The following ATP9A variants were observed in gnomAD, a reference collection of about 807,000 sequenced individuals.
ATP9A encodes ATPase phospholipid transporting 9A.
A neutral mutation model predicts 144.1 loss-of-function variants in ATP9A; 52 were observed. The ratio of observed to expected loss-of-function variants is 0.36; its 90% CI spans 0.29 to 0.45. ATP9A has a LOEUF of 0.45. Ranked by LOEUF, ATP9A falls within the 20% of genes least tolerant of loss-of-function variation. ATP9A has a pLI of 1.00. For synonymous variants in ATP9A, 582 were observed against 557.4 expected, an observed-to-expected ratio of 1.04 and a Z score of -0.62; for missense variants, 947 against 1,392.7, an observed-to-expected ratio of 0.68 and a Z score of 5.09.
chr20:51,608,663 A>C (rs768019286), intron 24 of ATP9A, 37 bp from the exon 25 acceptor site: 1 of 1,348,748 alleles, frequency 7.4e-7, no homozygotes, highest in Non-Finnish European at 1.1e-6. Context: ...GACCTGGCTG[A>C]CGCGATAGGA....
intron 1 of ATP9A, among the ~76,000 whole-genome samples, chr20:51,750,784 C>T (rs914689): frequency 0.037 from 5,646 of 152,192 alleles, 145 homozygotes; most frequent in Non-Finnish European, 0.058. Flanking sequence ...AATCTCATCT[C>T]GTTGTAGAAT....
chr20:51,618,143 C>T lies in ATP9A; in HGVS notation c.2350+519G>A, dbSNP rs1214745624. Among the ~76,000 whole-genome samples, 3 of 152,016 alleles carry T rather than the reference C, an allele frequency of 2.0e-5. No homozygotes were observed. The East Asian group carries it at 5.8e-4, about 29-fold the overall frequency. On this transcript the variant is annotated intron_variant, in intron 21 of 27. Transcript: ENST00000338821. Reference sequence around the variant, plus strand: ...GCTGAGGCAGGAGAATCACTTGAACCCGGGAGACGGAGGTTGCAATGAGCT... The same window carrying T: ...GCTGAGGCAGGAGAATCACTTGAACTCGGGAGACGGAGGTTGCAATGAGCT...
intron 1 of ATP9A, among the ~76,000 whole-genome samples, chr20:51,764,192 A>G (rs977354325): frequency 6.6e-6 from 1 of 152,226 alleles, no homozygotes; most frequent in African/African-American, 2.4e-5. Flanking sequence ...AGGTAAAGTT[A>G]TTTTCCCAAG....
intron 13 of ATP9A, among the ~76,000 whole-genome samples, chr20:51,668,904 T>C (rs1300575982): frequency 6.6e-6 from 1 of 152,218 alleles, no homozygotes; most frequent in Non-Finnish European, 1.5e-5. Context: ...GAAAATTAAA[T>C]GTCAGTTATG....
chr20:51,625,638 G>A (rs1235630435), intron 17 of ATP9A, among the ~76,000 whole-genome samples: 1 of 152,170 alleles, frequency 6.6e-6, no homozygotes, highest in Non-Finnish European at 1.5e-5. Context: ...CCGTGGCCAC[G>A]AAATGGCAAT....
At chr20:51,697,646 A>T (rs2077576243) in intron 4 of ATP9A, among the ~76,000 whole-genome samples, 164 bp from the exon 5 acceptor site, 1 of 152,212 alleles carries the variant, frequency 6.6e-6, no homozygotes, top group African/African-American at 2.4e-5. Context: ...CTCTCCAGGA[A>T]AGGGTTCAAC....
At chr20:51,751,514 C>T (rs966982401) in intron 1 of ATP9A, among the ~76,000 whole-genome samples, 14 of 152,020 alleles carry the variant, frequency 9.2e-5, no homozygotes, top group South Asian at 4.1e-4. Context: ...CTCCCACCTC[C>T]GCCTCTCAAA....
In ATP9A at chr20:51,748,948, T is replaced by TAGACAGACAGACAGACAGAC. The variant is rs60891087; in HGVS notation, c.69-18990_69-18971dup. ...ATAGATAGATAGATAGATAGATAGA[T>TAGACAGACAGACAGACAGAC]AGACAGACAGACAGACAGACAGACA... On this transcript the variant is annotated intron_variant, in intron 1 of 27. Transcript: ENST00000338821. 3.3e-3 allele frequency among the ~76,000 whole-genome samples: 453 copies of TAGACAGACAGACAGACAGAC among 137,894 alleles called. 2 individuals are homozygous for TAGACAGACAGACAGACAGAC. Among genetic ancestry groups the TAGACAGACAGACAGACAGAC allele is most frequent in the African/African-American group, 4.2e-3 (150 of 36,096 alleles). 90.5% of individuals were successfully genotyped at this position (137,894 alleles called of 152,430 possible).
chr20:51,744,136 T>C (rs112396790), intron 1 of ATP9A, among the ~76,000 whole-genome samples: 4 of 152,244 alleles, frequency 2.6e-5, no homozygotes, highest in African/African-American at 7.2e-5. Flanking sequence ...TGCTTCCTGC[T>C]TAGACCATTT....
chr20:51,668,433 G>A (rs555843331), intron 13 of ATP9A, among the ~76,000 whole-genome samples: 5 of 152,142 alleles, frequency 3.3e-5, no homozygotes, highest in East Asian at 1.9e-4. Context: ...CAAAGCTCCA[G>A]GTCAGGCCTA....
At chr20:51,751,905 A>C (rs905295608) in intron 1 of ATP9A, among the ~76,000 whole-genome samples, 2 of 151,640 alleles carry the variant, frequency 1.3e-5, no homozygotes, top group Admixed American at 6.6e-5. Flanking sequence ...TTCTTTATTC[A>C]CTCGCTCATT....
rs2077168278 is a variant in ATP9A, at chr20:51,607,561, T to C, written c.2769A>G (p.Thr923=). The change falls in exon 26 of 28, where the codon ACA becomes ACG. Residue 923 remains threonine, a synonymous_variant. Transcript: ENST00000338821. ...TGCTAATCAAAACCCATATTAAGAA[T>C]GTCTTGTAGGACAACGGCCGTCCCT... is the stretch of plus-strand genomic sequence containing the variant. The part of the protein sequence containing the change: ...LLKGRPLSYK[T]FLIWVLISIY... 3 of 1,613,448 alleles carry C rather than the reference T, an allele frequency of 1.9e-6. No homozygotes were observed. In the East Asian group the frequency reaches 6.7e-5, roughly 36 times the overall value.
chr20:51,601,578 C>T (rs769842192), intron 27 of ATP9A, among the ~76,000 whole-genome samples: 1 of 152,180 alleles, frequency 6.6e-6, no homozygotes, highest in African/African-American at 2.4e-5. Flanking sequence ...AGCTTCCTGA[C>T]AGTGAAATGC....
intron 1 of ATP9A, among the ~76,000 whole-genome samples, chr20:51,755,969 A>G (rs117197223): frequency 0.033 from 4,881 of 149,148 alleles, 107 homozygotes; most frequent in Non-Finnish European, 0.043. Flanking sequence ...AAAAAAAAAA[A>G]AGTTCATAGC....
At chr20:51,706,874 TCA>T (rs2077616754) in intron 4 of ATP9A, among the ~76,000 whole-genome samples, 1 of 152,210 alleles carries the variant, frequency 6.6e-6, no homozygotes, top group South Asian at 2.1e-4. Flanking sequence ...TTCAAACAGC[TCA>T]GTGCCACCTT....
Position 51,611,750 on chromosome 20 carries a change from C to T in ATP9A, c.2572-1585G>A, listed in dbSNP as rs2077185769. On this transcript the variant is annotated intron_variant, in intron 23 of 27. Coordinates refer to ENST00000338821, the MANE Select transcript of ATP9A (RefSeq NM_006045.3). The surrounding 1 kb of genome is among the most constrained non-coding windows in gnomAD (Gnocchi z 4.2). Reference sequence around the variant, plus strand: ...AATCTCCCAATCATTAAAGCCACAGCATTATCCTGTTCAATTGGTGAGTTA... The same window carrying T: ...AATCTCCCAATCATTAAAGCCACAGTATTATCCTGTTCAATTGGTGAGTTA... 6.6e-6 allele frequency among the ~76,000 whole-genome samples: 1 copy of T among 152,240 alleles called. No individual in the cohort carries two copies. Among genetic ancestry groups the T allele is most frequent in the East Asian group, 1.9e-4 (1 of 5,204 alleles).
intron 18 of ATP9A, 58 bp from the exon 19 acceptor site, chr20:51,622,230 C>A: frequency 7.2e-7 from 1 of 1,383,686 alleles, no homozygotes; most frequent in South Asian, 1.2e-5. Flanking sequence ...GGCCTGTCAT[C>A]TGCAACAGCT....
At chr20:51,677,226 G>T (rs1258913867) in intron 9 of ATP9A, among the ~76,000 whole-genome samples, 1 of 152,068 alleles carries the variant, frequency 6.6e-6, no homozygotes, top group East Asian at 1.9e-4. Context: ...GAGCCACCTC[G>T]CCCAACCCAA....
At chr20:51,695,340 G>A (rs983635094) in intron 6 of ATP9A, among the ~76,000 whole-genome samples, 6 of 151,754 alleles carry the variant, frequency 4.0e-5, no homozygotes, top group South Asian at 2.1e-4. Context: ...AAAATTAGCC[G>A]GGCATGGTGG....
Sources: gnomAD v4.1 joint callset for allele counts (sites outside exome capture counted in the v4.1 genomes callset) on GRCh38, gnomAD v4.1.1 for gene constraint, Gnocchi (gnomAD v3.1) non-coding constraint, MANE v1.5 for transcripts, NCBI Gene and HGNC (gene_info 2026-07-23, HGNC 2026-07-21) for gene names.